The following TMEM207 variants were observed in gnomAD, a reference collection of about 807,000 sequenced individuals.
TMEM207 encodes SRSR846.
TMEM207 carries 15 observed loss-of-function variants against 17.4 expected under a neutral mutation model. The ratio of observed to expected loss-of-function variants is 0.86; its 90% confidence interval spans 0.58 to 1.33. TMEM207 has a LOEUF of 1.33. Ranked by LOEUF, TMEM207 falls within the 40% of genes most tolerant of loss-of-function variation. The pLI is 0.00. For synonymous variants in TMEM207, 70 were observed against 65.6 expected (o/e 1.07, Z -0.33); for missense variants, 205 against 173.8 (o/e 1.18, Z -1.01).
intron 4 of TMEM207, among the ~76,000 whole-genome samples, chr3:190,433,742 G>A (rs755369326): frequency 3.3e-5 from 5 of 152,150 alleles, no homozygotes; most frequent in Non-Finnish European, 7.4e-5. Flanking sequence ...TTGGATCTGT[G>A]TCCCCACCCA....
At chr3:190,443,020 C>A (rs139327494) in intron 2 of TMEM207, among the ~76,000 whole-genome samples, 2 of 151,876 alleles carry the variant, frequency 1.3e-5, no homozygotes, top group African/African-American at 4.8e-5. Flanking sequence ...GTAATGTACA[C>A]GAATCACTTT....
chr3:190,445,541 T>C (rs1175507578), intron 2 of TMEM207, among the ~76,000 whole-genome samples: 1 of 152,230 alleles, frequency 6.6e-6, no homozygotes, highest in Admixed American at 6.5e-5. Context: ...GTTGTTGTTA[T>C]TTGAGACGGA....
chr3:190,438,114 G>C (rs1235586527), intron 4 of TMEM207, among the ~76,000 whole-genome samples: 1 of 101,052 alleles, frequency 9.9e-6, no homozygotes, highest in Middle Eastern at 7.8e-3. Context: ...GGGGAGGGGG[G>C]AGGGATAGCA....
intron 4 of TMEM207, 101 bp from the exon 5 acceptor site, chr3:190,429,832 C>A: frequency 7.4e-7 from 1 of 1,343,604 alleles, no homozygotes; most frequent in East Asian, 2.5e-5. Flanking sequence ...ATCGCTGAAG[C>A]AACAGAAAAT....
chr3:190,438,299 C>CTTT (rs535891750), intron 4 of TMEM207, among the ~76,000 whole-genome samples: 1,453 of 141,558 alleles, frequency 0.01, 16 homozygotes, highest in Non-Finnish European at 0.016. Context: ...GTTTTTTTTT[C>CTTT]TTTTTTTTTT....
intron 3 of TMEM207, 130 bp downstream of exon 3, chr3:190,441,308 T>C: frequency 1.4e-6 from 1 of 703,950 alleles, no homozygotes; most frequent in Non-Finnish European, 2.4e-6. Context: ...AAGTGATGTT[T>C]CTATATTCAT....
intron 4 of TMEM207, among the ~76,000 whole-genome samples, chr3:190,435,270 GC>G (rs1472957996): frequency 6.6e-6 from 1 of 152,176 alleles, no homozygotes; most frequent in African/African-American, 2.4e-5. Flanking sequence ...TCCTTGGATT[GC>G]AGATGGCCAC....
At chr3:190,446,226 A>G (rs918121032) in intron 2 of TMEM207, among the ~76,000 whole-genome samples, 3 of 152,168 alleles carry the variant, frequency 2.0e-5, no homozygotes, top group African/African-American at 7.2e-5. Flanking sequence ...TTATCAGGAG[A>G]TAATGTCTCA....
intron 4 of TMEM207, among the ~76,000 whole-genome samples, chr3:190,438,916 G>A (rs376713834): frequency 2.0e-5 from 3 of 151,970 alleles, no homozygotes; most frequent in African/African-American, 4.8e-5. Context: ...CCCGCCGGGC[G>A]CGGTGGCTCA....
At chr3:190,437,799 G>A (rs543426715) in intron 4 of TMEM207, among the ~76,000 whole-genome samples, 19 of 151,732 alleles carry the variant, frequency 1.3e-4, no homozygotes, top group African/African-American at 3.9e-4. Context: ...ACATGCACAC[G>A]TATGTTTATT....
chr3:190,438,792 G>C (rs1358635938), intron 4 of TMEM207, among the ~76,000 whole-genome samples: 1 of 152,130 alleles, frequency 6.6e-6, no homozygotes, highest in Non-Finnish European at 1.5e-5. Context: ...AACATATTTT[G>C]TTAAAATATC....
At chr3:190,440,212 A>G in intron 4 of TMEM207, 32 bp downstream of exon 4, 1 of 1,580,306 alleles carries the variant, frequency 6.3e-7, no homozygotes, top group Non-Finnish European at 8.6e-7. Flanking sequence ...CAAAGTATCA[A>G]AAAAGAGTCC....
intron 2 of TMEM207, 51 bp from the exon 3 acceptor site, chr3:190,441,533 T>G: frequency 6.8e-7 from 1 of 1,468,262 alleles, no homozygotes; most frequent in Non-Finnish European, 9.4e-7. Context: ...AGCCAAAGCC[T>G]ATTTCTTTCA....
chr3:190,448,795 C>T (rs1018752813), intron 1 of TMEM207, among the ~76,000 whole-genome samples: 2 of 152,106 alleles, frequency 1.3e-5, no homozygotes, highest in African/African-American at 4.8e-5. Context: ...TTCTTCAGCA[C>T]CTTGTATTTA....
chr3:190,447,814 T>C lies in TMEM207; in HGVS notation c.89A>G (p.Asp30Gly). The C allele has an allele frequency of 6.2e-7, 1 of 1,612,700 alleles. No homozygotes were observed. Among genetic ancestry groups the C allele is most frequent in the Non-Finnish European group, 8.5e-7 (1 of 1,179,388 alleles). ...CATTTCATCTTCTTCGCATGGTAGG[T>C]CCGAGAGCACCAACTGAAACACATG... Reference protein sequence around the residue: ...CLPLFQLVLSDLPCEEDEMCV... With the variant: ...CLPLFQLVLSGLPCEEDEMCV... The change falls in exon 2 of 5, where the codon GAC (aspartate) becomes GGC (glycine). Residue 30 changes from aspartate (D) to glycine (G), a missense_variant. By Grantham distance (94) the Asp-to-Gly change is moderately conservative (BLOSUM62 -1). Transcript: ENST00000354905.
intron 4 of TMEM207, among the ~76,000 whole-genome samples, chr3:190,431,269 A>T (rs956987041): frequency 6.6e-6 from 1 of 152,110 alleles, no homozygotes; most frequent in Admixed American, 6.6e-5. Context: ...CCTCTATAAA[A>T]GCAAGGCTAA....
At chr3:190,442,749 GA>G (rs1719961376) in intron 2 of TMEM207, among the ~76,000 whole-genome samples, 1 of 151,632 alleles carries the variant, frequency 6.6e-6, no homozygotes, top group Non-Finnish European at 1.5e-5. Context: ...TAAAAGATGT[GA>G]AAAATAATTA....
chr3:190,448,213 CA>C (rs562921980), intron 1 of TMEM207, among the ~76,000 whole-genome samples: 9 of 147,524 alleles, frequency 6.1e-5, no homozygotes, highest in Middle Eastern at 3.4e-3. Context: ...TATTTTCACG[CA>C]AAAAAAAACA....
At chr3:190,436,030 C>T (rs907548746) in intron 4 of TMEM207, among the ~76,000 whole-genome samples, 3 of 152,198 alleles carry the variant, frequency 2.0e-5, no homozygotes, top group Non-Finnish European at 4.4e-5. Flanking sequence ...AATTTGTCCA[C>T]CTCAGTTTCT....
Sources: allele counts gnomAD v4.1 joint callset (sites outside exome capture counted in the v4.1 genomes callset), GRCh38; gene constraint gnomAD v4.1.1; transcripts MANE v1.5; gene names NCBI Gene and HGNC (gene_info 2026-07-23, HGNC 2026-07-21).